The following SMYD3 variants were observed in gnomAD, a reference collection of about 807,000 sequenced individuals.
The protein encoded by SMYD3 is SET and MYND domain containing 3, also known as histone-lysine N-methyltransferase SMYD3.
Under a neutral mutation model 57.7 loss-of-function variants are expected in SMYD3, and 36 were observed. The observed-to-expected ratio is 0.62, with a 90% CI of 0.48 to 0.82. The LOEUF (loss-of-function observed/expected upper bound fraction) is 0.82, where lower values mean the gene tolerates loss of function less well. Among genes scored for constraint, SMYD3 ranks in the 40% least tolerant of loss-of-function variants. The probability of loss-of-function intolerance (pLI) is 0.00; values close to 1 mark genes in which losing one functional copy is unlikely to be tolerated. For synonymous variants in SMYD3, 211 were observed against 195.0 expected, an observed-to-expected ratio of 1.08 and a Z score of -0.68; for missense variants, 515 against 538.8, an observed-to-expected ratio of 0.96 and a Z score of 0.44.
At chr1:246,097,410 T>C (rs2060935246) in intron 5 of SMYD3, among the ~76,000 whole-genome samples, 1 of 151,966 alleles carries the variant, frequency 6.6e-6, no homozygotes, top group African/African-American at 2.4e-5. Context: ...TCAGACAAGG[T>C]TCCAGGAGAG....
At chr1:246,158,052 G>C (rs1306396109) in intron 5 of SMYD3, among the ~76,000 whole-genome samples, 1 of 152,176 alleles carries the variant, frequency 6.6e-6, no homozygotes, top group African/African-American at 2.4e-5. Flanking sequence ...AATAAGTAAA[G>C]AGCCAGGGAG....
intron 5 of SMYD3, among the ~76,000 whole-genome samples, chr1:246,207,183 T>C (rs753595124): frequency 5.9e-5 from 9 of 152,204 alleles, no homozygotes; most frequent in Non-Finnish European, 1.3e-4. Context: ...ACCTATTCTC[T>C]ATGAATAGGC....
In SMYD3 at chr1:246,355,181, G is replaced by C; in HGVS notation, c.165-87C>G. The C allele has an allele frequency of 7.6e-7, 1 of 1,313,602 alleles. No individual in the cohort carries two copies. The highest frequency in any genetic ancestry group is 1.2e-5 in the South Asian group (1 of 83,142). 81.4% of individuals were successfully genotyped at this position (1,313,602 alleles called of 1,614,324 possible). A position where few individuals can be genotyped will look rare whatever the true frequency, so the allele number is the denominator to read the frequency against. ...AGAAAGAAAACATAAGTCAACATACGGACACCCGTATGTTCTGTTTACTCC... is the reference window on the plus strand; with the variant it reads ...AGAAAGAAAACATAAGTCAACATACCGACACCCGTATGTTCTGTTTACTCC... On this transcript the variant is annotated intron_variant, in intron 1 of 11. Coordinates refer to ENST00000490107, the MANE Select transcript of SMYD3 (RefSeq NM_001167740.2). The surrounding 1 kb of genome is among the most constrained non-coding windows in gnomAD (Gnocchi z 5.0).
chr1:246,318,747 T>C (rs980869291), intron 5 of SMYD3, among the ~76,000 whole-genome samples: 1 of 152,212 alleles, frequency 6.6e-6, no homozygotes, highest in South Asian at 2.1e-4. Flanking sequence ...CAAACACATT[T>C]ATCCATCAAT....
intron 5 of SMYD3, among the ~76,000 whole-genome samples, chr1:246,262,540 G>A (rs1184756801): frequency 6.6e-6 from 1 of 152,152 alleles, no homozygotes; most frequent in Non-Finnish European, 1.5e-5. Context: ...GACTCAGACA[G>A]ACACAGTTTC....
chr1:246,102,057 T>G (rs2061024797), intron 5 of SMYD3, among the ~76,000 whole-genome samples: 2 of 152,222 alleles, frequency 1.3e-5, no homozygotes, highest in Admixed American at 6.5e-5. Flanking sequence ...AGTACATAAC[T>G]GCCTGCTAAA....
intron 2 of SMYD3, among the ~76,000 whole-genome samples, chr1:246,351,488 G>A (rs1187094409): frequency 1.3e-5 from 2 of 152,034 alleles, no homozygotes; most frequent in Non-Finnish European, 2.9e-5. Flanking sequence ...TCTGTTTATA[G>A]CAATAGAGAA....
At chr1:246,480,216 G>A (rs1349535126) in intron 1 of SMYD3, among the ~76,000 whole-genome samples, 1 of 152,132 alleles carries the variant, frequency 6.6e-6, no homozygotes, top group Non-Finnish European at 1.5e-5. Flanking sequence ...CTCACACCAT[G>A]TTGACCATCC....
chr1:246,239,762 G>C (rs2063574974), intron 5 of SMYD3, among the ~76,000 whole-genome samples: 1 of 152,206 alleles, frequency 6.6e-6, no homozygotes, highest in South Asian at 2.1e-4. Flanking sequence ...GTTGTTTCCT[G>C]ACTTTTTAAT....
chr1:246,333,520 T>C (rs958129701), intron 3 of SMYD3, among the ~76,000 whole-genome samples: 4 of 152,024 alleles, frequency 2.6e-5, no homozygotes, highest in Non-Finnish European at 5.9e-5. Flanking sequence ...AGGTCTAATA[T>C]CCAGAATCTA....
intron 5 of SMYD3, among the ~76,000 whole-genome samples, chr1:246,056,463 C>A (rs879662392): frequency 2.0e-5 from 3 of 152,044 alleles, no homozygotes; most frequent in Non-Finnish European, 2.9e-5. Flanking sequence ...GGTATGAAGT[C>A]GTTTATCCAG....
At chr1:246,224,686 T>C (rs1428652663) in intron 5 of SMYD3, among the ~76,000 whole-genome samples, 1 of 151,760 alleles carries the variant, frequency 6.6e-6, no homozygotes, top group Non-Finnish European at 1.5e-5. Flanking sequence ...AGGCAAGATA[T>C]GATGTTACGT....
chr1:246,484,037 C>A (rs1457253522), intron 1 of SMYD3, among the ~76,000 whole-genome samples: 2 of 135,114 alleles, frequency 1.5e-5, no homozygotes, highest in East Asian at 2.1e-4. Context: ...ACTAGTTACA[C>A]CTAAAAACAC....
rs139825832 is a variant in SMYD3 at position 246,307,171 on chromosome 1, T to A, written c.531+20030A>T. Among the ~76,000 whole-genome samples, 651 of 152,298 alleles carry A rather than the reference T, an allele frequency of 4.3e-3. 5 individuals are homozygous for A. The highest frequency in any genetic ancestry group is 0.014 in the African/African-American group (572 of 41,572). ...CTGAATTTCTAATTGCTGTATTTAG[T>A]GCTGAATTTGTCCTTTTATATATTG... is the stretch of plus-strand genomic sequence containing the variant. On this transcript the variant is annotated intron_variant, in intron 5 of 11. Coordinates refer to ENST00000490107, the MANE Select transcript of SMYD3 (RefSeq NM_001167740.2).
At chr1:245,803,535 TTC>T (rs2047977377) in intron 10 of SMYD3, among the ~76,000 whole-genome samples, 1 of 152,210 alleles carries the variant, frequency 6.6e-6, no homozygotes, top group Non-Finnish European at 1.5e-5. Flanking sequence ...CTACAGGTTT[TTC>T]TCTGAGTGCA....
At chr1:246,004,876 A>G (rs1404520113) in intron 5 of SMYD3, among the ~76,000 whole-genome samples, 5 of 152,112 alleles carry the variant, frequency 3.3e-5, no homozygotes, top group Admixed American at 2.6e-4. Flanking sequence ...ACAGCGTCTC[A>G]CTCTGTCACC....
intron 5 of SMYD3, among the ~76,000 whole-genome samples, chr1:246,134,046 G>A (rs1239193357): frequency 2.0e-5 from 3 of 152,006 alleles, no homozygotes; most frequent in Non-Finnish European, 2.9e-5. Flanking sequence ...AGACAGCCCG[G>A]GGAAATGACT....
intron 10 of SMYD3, among the ~76,000 whole-genome samples, chr1:245,811,898 T>G (rs943502434): frequency 1.3e-5 from 2 of 152,224 alleles, no homozygotes; most frequent in African/African-American, 4.8e-5. Flanking sequence ...ACCCACCTAG[T>G]AAATGGAAGA....
At chr1:246,327,390 TA>T in intron 4 of SMYD3, 53 bp from the exon 5 acceptor site, 1 of 1,536,578 alleles carries the variant, frequency 6.5e-7, no homozygotes, top group South Asian at 1.2e-5. Flanking sequence ...TTCTGAAGGA[TA>T]ATTTTCAAGT....
Sources: gnomAD v4.1 joint callset for allele counts (sites outside exome capture counted in the v4.1 genomes callset) on GRCh38, gnomAD v4.1.1 for gene constraint, Gnocchi (gnomAD v3.1) non-coding constraint, MANE v1.5 for transcripts, NCBI Gene and HGNC (gene_info 2026-07-23, HGNC 2026-07-21) for gene names.